The following ALG11 variants were observed in gnomAD, a reference collection of about 807,000 sequenced individuals.
The protein encoded by ALG11 is ALG11 alpha-1,2-mannosyltransferase, also known as GDP-Man:Man(3)GlcNAc(2)-PP-Dol alpha-1,2-mannosyltransferase.
In ALG11, 26 loss-of-function variants were observed where a neutral mutation model predicts 38.8. The ratio of observed to expected loss-of-function variants is 0.67; its 90% CI spans 0.49 to 0.93. The LOEUF is 0.93. Ranked by LOEUF, ALG11 falls within the 40% of genes least tolerant of loss-of-function variation. The pLI, the probability that ALG11 is intolerant of heterozygous loss-of-function variation, is 0.00. For missense variants in ALG11, 535 were observed against 578.8 expected (o/e 0.92, Z 0.78); for synonymous variants, 199 against 211.6 (o/e 0.94, Z 0.52).
chr13:52,025,960 C>G (rs1954236528), intron 3 of ALG11, among the ~76,000 whole-genome samples: 1 of 152,246 alleles, frequency 6.6e-6, no homozygotes, highest in Non-Finnish European at 1.5e-5. Context: ...TAGAAACTTA[C>G]TAAGCATTCA....
chr13:52,021,926 G>C (rs1265419890), intron 2 of ALG11: 1 of 152,246 alleles, frequency 6.6e-6, no homozygotes. Context: ...CAGGAAGTAG[G>C]AGCTGCCAGT....
rs773701709 is a variant in ALG11 at position 52,030,859 on chromosome 13, A to G, written c.*2269A>G. ...CAGCTCATCAGGTACAAGTGCTTCCATATCCATTTACCCACCATCGGCAAT... is the reference window on the plus strand; with the variant it reads ...CAGCTCATCAGGTACAAGTGCTTCCGTATCCATTTACCCACCATCGGCAAT... On this transcript the variant is annotated 3_prime_UTR_variant, in exon 4 of 4. Transcript: ENST00000521508. 1.9e-6 allele frequency: 3 copies of G among 1,614,202 alleles called. No homozygotes were observed. In the South Asian group the frequency reaches 3.3e-5, roughly 18 times the overall value.
chr13:52,021,337 T>A (rs1954181961), intron 2 of ALG11: 1 of 152,218 alleles, frequency 6.6e-6, no homozygotes, highest in African/African-American at 2.4e-5. Flanking sequence ...AGAAGAAAAC[T>A]GGGGCACTAG....
At position 52,019,023 on chromosome 13, in the gene ALG11, T is replaced by C. The variant is rs1008077897; in HGVS notation, c.155T>C (p.Leu52Ser). The C allele has an allele frequency of 9.3e-6, 15 of 1,613,884 alleles. No individual in the cohort carries two copies. The highest frequency in any genetic ancestry group is 3.3e-5 in the Admixed American group (2 of 59,982). Residue 52 changes from leucine to serine, a missense_variant, in exon 2 of 4, where the codon TTA becomes TCA. Coordinates refer to ENST00000521508, the MANE Select transcript of ALG11 (RefSeq NM_001004127.3). The stretch of plus-strand genomic sequence containing the variant: ...CTGCTGCTACAGAGAAAGAAAAAAT[T>C]AGTGTCAACTAGCAAAAATGGGAAA... ...IRLLLQRKKK[L>S]VSTSKNGKNQ... is the part of the protein sequence containing the mutation.
chr13:52,020,769 A>G lies in ALG11; in HGVS notation c.275+1626A>G, dbSNP rs147934448. ...CATCCCTCCCCATTCCTTCACAGGTACTTTACTCTGACATGCAGAACAAGG... is the reference window on the plus strand; with the variant it reads ...CATCCCTCCCCATTCCTTCACAGGTGCTTTACTCTGACATGCAGAACAAGG... On this transcript the variant is annotated intron_variant, in intron 2 of 3. Coordinates refer to ENST00000521508, the MANE Select transcript of ALG11 (RefSeq NM_001004127.3). 31 of 152,350 alleles carry G rather than the reference A, an allele frequency of 2.0e-4. No individual in the cohort carries two copies. In the East Asian group the frequency reaches 5.8e-3, roughly 28 times the overall value. The allele number at this position is 152,350 out of a possible 1,614,324, so 9.4% of individuals were successfully genotyped here.
rs1954283241 is a variant in ALG11, at chr13:52,030,059, T to C, written c.*1469T>C. ...ACCAGTGGCAGAGGAAGAAATTTTGTTGAGAGAATTTGAGGAAAGGCAATC... is the reference window on the plus strand; with the variant it reads ...ACCAGTGGCAGAGGAAGAAATTTTGCTGAGAGAATTTGAGGAAAGGCAATC... On this transcript the variant is annotated 3_prime_UTR_variant, in exon 4 of 4. Coordinates refer to ENST00000521508, the MANE Select transcript of ALG11 (RefSeq NM_001004127.3). 6.2e-7 allele frequency: 1 copy of C among 1,614,124 alleles called. No homozygotes were observed. Among genetic ancestry groups the C allele is most frequent in the Non-Finnish European group, 8.5e-7 (1 of 1,180,026 alleles).
chr13:52,023,594 C>CA (rs1401348650), intron 2 of ALG11: 1,494 of 89,218 alleles, frequency 0.017, 10 homozygotes, highest in East Asian at 0.065. Flanking sequence ...AAACTGTCTC[C>CA]AAAAAAAAAA....
rs775014469 is a variant in ALG11, at chr13:52,031,150, TC to T, written c.*2562del. 2 of 1,563,168 alleles carry T rather than the reference TC, an allele frequency of 1.3e-6. No individual in the cohort carries two copies. Among genetic ancestry groups the T allele is most frequent in the Admixed American group, 1.9e-5 (1 of 53,792 alleles). On this transcript the variant is annotated 3_prime_UTR_variant, in exon 4 of 4. Coordinates refer to ENST00000521508, the MANE Select transcript of ALG11 (RefSeq NM_001004127.3). Reference sequence around the variant, plus strand: ...GACAGTCAGGGGCCCTGATTCCACTTCCTTTGGTCCAGTTTTACTCTGCTAC... The same window carrying T: ...GACAGTCAGGGGCCCTGATTCCACTTCTTTGGTCCAGTTTTACTCTGCTAC...
chr13:52,030,986 A>G lies in ALG11; in HGVS notation c.*2396A>G, dbSNP rs1003717136. 3 of 1,614,192 alleles carry G rather than the reference A, an allele frequency of 1.9e-6. No individual in the cohort carries two copies. The highest frequency in any genetic ancestry group is 2.2e-5 in the East Asian group (1 of 44,876). ...GGTCGTCACCAAGCCAGGCCATATC[A>G]TTAAGCCCATAAAAGCAGAGGATGT... On this transcript the variant is annotated 3_prime_UTR_variant, in exon 4 of 4. Coordinates refer to ENST00000521508, the MANE Select transcript of ALG11 (RefSeq NM_001004127.3).
At chr13:52,019,569 GTTC>G (rs1389173733) in intron 2 of ALG11, among the ~76,000 whole-genome samples, 1 of 152,046 alleles carries the variant, frequency 6.6e-6, no homozygotes, top group Non-Finnish European at 1.5e-5. Context: ...TTTTTAAACT[GTTC>G]TTCAATAAGA....
chr13:52,014,337 T>TA (rs1263790569), intron 1 of ALG11, among the ~76,000 whole-genome samples: 5 of 152,192 alleles, frequency 3.3e-5, no homozygotes, highest in Non-Finnish European at 5.9e-5. Context: ...AGTTTTTTAA[T>TA]AAAAATATGT....
In ALG11 at chr13:52,024,486, TGTA is replaced by T; in HGVS notation, c.759_761del (p.Val254del). 6.2e-7 allele frequency: 1 copy of T among 1,614,238 alleles called. No individual in the cohort carries two copies. Among genetic ancestry groups the T allele is most frequent in the Non-Finnish European group, 8.5e-7 (1 of 1,180,034 alleles). The stretch of plus-strand genomic sequence containing the variant: ...ATGGACTTGTTGGTTCTTGCAGTGA[TGTA>T]GTCATGGTCAATTCTTCTTGGACAC... On this transcript the variant is annotated inframe_deletion, in exon 3 of 4. Transcript: ENST00000521508.
intron 3 of ALG11, among the ~76,000 whole-genome samples, chr13:52,025,386 C>T (rs1229003473): frequency 1.3e-5 from 2 of 152,172 alleles, no homozygotes; most frequent in African/African-American, 4.8e-5. Context: ...GGTACAGATT[C>T]CTGGGCCCTA....
chr13:52,020,342 T>TA (rs1340329774), intron 2 of ALG11, among the ~76,000 whole-genome samples: 1 of 152,194 alleles, frequency 6.6e-6, no homozygotes, highest in African/African-American at 2.4e-5. Context: ...GGAAAACTGT[T>TA]ACTCTTCATG....
In ALG11 at chr13:52,030,610, T is replaced by C. The variant is rs1408835886; in HGVS notation, c.*2020T>C. ...TAAAGGAAGCTTTTGCTGGGGATGA[T>C]GTCATCAGAGATTTCTTGAAAGAGA... On this transcript the variant is annotated 3_prime_UTR_variant, in exon 4 of 4. Coordinates refer to ENST00000521508, the MANE Select transcript of ALG11 (RefSeq NM_001004127.3). 1.2e-6 allele frequency: 2 copies of C among 1,614,030 alleles called. No homozygotes were observed. The highest frequency in any genetic ancestry group is 1.3e-5 in the African/African-American group (1 of 74,906).
At chr13:52,017,046 A>G (rs572596885) in intron 1 of ALG11, 2 of 152,348 alleles carry the variant, frequency 1.3e-5, no homozygotes, top group African/African-American at 4.8e-5. Context: ...TTGCTTAAGC[A>G]TGACCTGGAT....
rs1954300674 is a variant in ALG11, at chr13:52,031,216, T to G, written c.*2626T>G. The G allele has an allele frequency of 4.1e-6, 6 of 1,459,800 alleles. No individual in the cohort carries two copies. The South Asian group carries it at 7.4e-5, about 18-fold the overall frequency. The allele number at this position is 1,459,800 out of a possible 1,614,324, so 90.4% of individuals were successfully genotyped here. On this transcript the variant is annotated 3_prime_UTR_variant, in exon 4 of 4. Coordinates refer to ENST00000521508, the MANE Select transcript of ALG11 (RefSeq NM_001004127.3). ...AACTGGCTCAGCACATTGCATGTAGTTGAGCCACATTTTTTAAAAAAAGAA... is the reference window on the plus strand; with the variant it reads ...AACTGGCTCAGCACATTGCATGTAGGTGAGCCACATTTTTTAAAAAAAGAA...
chr13:52,030,027 A>C lies in ALG11; in HGVS notation c.*1437A>C. The C allele has an allele frequency of 1.2e-6, 2 of 1,614,248 alleles. No homozygotes were observed. The highest frequency in any genetic ancestry group is 1.7e-6 in the Non-Finnish European group (2 of 1,180,046). ...CATGAGGTTTCTGCAAGTGAGGCAGAAGAAAGACCAGTGGCAGAGGAAGAA... is the reference window on the plus strand; with the variant it reads ...CATGAGGTTTCTGCAAGTGAGGCAGCAGAAAGACCAGTGGCAGAGGAAGAA... On this transcript the variant is annotated 3_prime_UTR_variant, in exon 4 of 4. Coordinates refer to ENST00000521508, the MANE Select transcript of ALG11 (RefSeq NM_001004127.3).
In ALG11 at chr13:52,031,315, T is replaced by A; in HGVS notation, c.*2725T>A. 1.4e-6 allele frequency: 1 copy of A among 727,980 alleles called. No homozygotes were observed. The highest frequency in any genetic ancestry group is 2.2e-6 in the Non-Finnish European group (1 of 457,878). The allele number at this position is 727,980 out of a possible 1,614,324, so 45.1% of individuals were successfully genotyped here. A position where few individuals can be genotyped will look rare whatever the true frequency, so the allele number is the denominator to read the frequency against. ...GAACACAGAAAAATTCTAGTACATTTAAATTCTAAACAATACAGTGGATGA... is the reference window on the plus strand; with the variant it reads ...GAACACAGAAAAATTCTAGTACATTAAAATTCTAAACAATACAGTGGATGA... On this transcript the variant is annotated 3_prime_UTR_variant, in exon 4 of 4. Transcript: ENST00000521508.
Sources: allele counts gnomAD v4.1 joint callset (sites outside exome capture counted in the v4.1 genomes callset), GRCh38; gene constraint gnomAD v4.1.1; transcripts MANE v1.5; gene names NCBI Gene and HGNC (gene_info 2026-07-23, HGNC 2026-07-21).